Variants in BNC2 observed in about 807,000 individuals in gnomAD.
BNC2 encodes basonuclin zinc finger protein 2, also known as zinc finger protein basonuclin-2.
Under a neutral mutation model 76.3 loss-of-function variants are expected in BNC2, and 20 were observed. The ratio of observed to expected loss-of-function variants is 0.26; its 90% CI spans 0.18 to 0.38. The LOEUF is 0.38. Ranked by LOEUF, BNC2 falls within the 10% of genes least tolerant of loss-of-function variation. The probability of loss-of-function intolerance (pLI) is 1.00; values close to 1 mark genes in which losing one functional copy is unlikely to be tolerated. For synonymous variants in BNC2, 582 were observed against 514.8 expected, an observed-to-expected ratio of 1.13 and a Z score of -1.77; for missense variants, 1,382 against 1,399.8, an observed-to-expected ratio of 0.99 and a Z score of 0.20.
At chr9:16,756,473 A>C (rs989172864) in intron 1 of BNC2, among the ~76,000 whole-genome samples, 2 of 152,020 alleles carry the variant, frequency 1.3e-5, no homozygotes, top group Non-Finnish European at 2.9e-5. Flanking sequence ...AGCTTCTTGG[A>C]GTCACCTTTT....
intron 3 of BNC2, among the ~76,000 whole-genome samples, chr9:16,676,024 C>T (rs755442443): frequency 1.3e-5 from 2 of 152,094 alleles, no homozygotes; most frequent in Non-Finnish European, 2.9e-5. Context: ...AAGATTTCAC[C>T]ACTGCGCTCC....
intron 1 of BNC2, among the ~76,000 whole-genome samples, chr9:16,794,763 C>T (rs1429653494): frequency 6.6e-6 from 1 of 152,178 alleles, no homozygotes; most frequent in African/African-American, 2.4e-5. Context: ...TTCAATTTTA[C>T]ACTTTTGGGG....
intron 1 of BNC2, among the ~76,000 whole-genome samples, chr9:16,793,854 G>GGTT (rs1563946166): frequency 7.0e-5 from 6 of 85,592 alleles, no homozygotes; most frequent in African/African-American, 1.6e-4. Context: ...GTTTTTTGTG[G>GGTT]TTTTTGTTTT....
At position 16,861,181 on chromosome 9, in the gene BNC2, A is replaced by AATATATAT. The variant is rs71327866; in HGVS notation, c.3+9457_3+9464dup. ...ACATGGTAATACCCTATCTCTACAA[A>AATATATAT]ATATATATATATATATATATAAATT... On this transcript the variant is annotated intron_variant, in intron 1 of 6. Coordinates refer to ENST00000380672, the MANE Select transcript of BNC2 (RefSeq NM_017637.6). 6.8e-3 allele frequency among the ~76,000 whole-genome samples: 892 copies of AATATATAT among 131,744 alleles called. 58 individuals carry two copies. Among genetic ancestry groups the AATATATAT allele is most frequent in the African/African-American group, 0.025 (818 of 32,112 alleles). The allele number at this position is 131,744 out of a possible 152,430, so 86.4% of individuals were successfully genotyped here. A position where few individuals can be genotyped will look rare whatever the true frequency, so the allele number is the denominator to read the frequency against.
At chr9:16,858,438 T>C (rs1258948439) in intron 1 of BNC2, among the ~76,000 whole-genome samples, 1 of 152,190 alleles carries the variant, frequency 6.6e-6, no homozygotes, top group African/African-American at 2.4e-5. Context: ...AACAATAGAA[T>C]GTACTTTTTT....
At chr9:16,618,350 G>T (rs1820769714) in intron 3 of BNC2, among the ~76,000 whole-genome samples, 1 of 152,158 alleles carries the variant, frequency 6.6e-6, no homozygotes, top group African/African-American at 2.4e-5. Context: ...ACAGCATAGA[G>T]AAAGCTATCC....
intron 1 of BNC2, among the ~76,000 whole-genome samples, chr9:16,860,594 T>C (rs376041071): frequency 2.0e-5 from 3 of 151,908 alleles, no homozygotes; most frequent in African/African-American, 4.8e-5. Context: ...AAGACACTTA[T>C]CAAAAAAAAC....
At chr9:16,585,903 T>C (rs1379979878) in intron 3 of BNC2, among the ~76,000 whole-genome samples, 3 of 152,004 alleles carry the variant, frequency 2.0e-5, no homozygotes, top group African/African-American at 7.2e-5. Flanking sequence ...GCTGTTATAT[T>C]CTGTGAACTA....
At chr9:16,816,710 G>A (rs778442712) in intron 1 of BNC2, among the ~76,000 whole-genome samples, 1 of 152,126 alleles carries the variant, frequency 6.6e-6, no homozygotes, top group Non-Finnish European at 1.5e-5. Context: ...ACACAAACAT[G>A]GATAACGTGT....
At chr9:16,478,721 G>A (rs976769493) in intron 5 of BNC2, among the ~76,000 whole-genome samples, 2 of 152,086 alleles carry the variant, frequency 1.3e-5, no homozygotes, top group Non-Finnish European at 2.9e-5. Context: ...CAGAAAATGT[G>A]AACTCCATAT....
intron 3 of BNC2, among the ~76,000 whole-genome samples, chr9:16,696,755 T>C (rs1403477740): frequency 6.6e-6 from 1 of 152,194 alleles, no homozygotes; most frequent in African/African-American, 2.4e-5. Context: ...TTTTAACTAT[T>C]TCATTATTCC....
chr9:16,444,243 C>A (rs1035895967), intron 5 of BNC2, among the ~76,000 whole-genome samples: 43 of 152,166 alleles, frequency 2.8e-4, no homozygotes, highest in Non-Finnish European at 2.5e-4. Flanking sequence ...CATACACACA[C>A]ACACACAGAG....
intron 3 of BNC2, among the ~76,000 whole-genome samples, chr9:16,679,068 G>A (rs894557561): frequency 6.6e-6 from 1 of 152,124 alleles, no homozygotes; most frequent in Non-Finnish European, 1.5e-5. Context: ...CCTCCAAGCT[G>A]CACTATGTAC....
intron 3 of BNC2, among the ~76,000 whole-genome samples, chr9:16,643,024 G>T (rs1039436980): frequency 1.3e-5 from 2 of 152,094 alleles, no homozygotes; most frequent in South Asian, 2.1e-4. Context: ...CATGGTGCCA[G>T]GCCAACAGTA....
At chr9:16,473,482 C>G (rs141005594) in intron 5 of BNC2, 1 of 152,266 alleles carries the variant, frequency 6.6e-6, no homozygotes, top group African/African-American at 2.4e-5. Flanking sequence ...AAGTGTTGAT[C>G]CCAGCTCCAC....
At chr9:16,658,440 A>G (rs544677678) in intron 3 of BNC2, among the ~76,000 whole-genome samples, 13 of 152,350 alleles carry the variant, frequency 8.5e-5, no homozygotes. Context: ...TGAAACTAAA[A>G]CACACATTAC....
At chr9:16,667,983 G>A (rs537837743) in intron 3 of BNC2, among the ~76,000 whole-genome samples, 1 of 152,234 alleles carries the variant, frequency 6.6e-6, no homozygotes, top group South Asian at 2.1e-4. Flanking sequence ...CACAAAGATT[G>A]GCATTTATCA....
chr9:16,818,844 T>A (rs1047561850), intron 1 of BNC2, among the ~76,000 whole-genome samples: 3 of 148,778 alleles, frequency 2.0e-5, no homozygotes, highest in Non-Finnish European at 3.0e-5. Context: ...TTAAAAAAAA[T>A]TCATTTAAAG....
intron 3 of BNC2, among the ~76,000 whole-genome samples, chr9:16,618,486 C>T (rs1213562671): frequency 6.6e-6 from 1 of 152,142 alleles, no homozygotes; most frequent in Non-Finnish European, 1.5e-5. Flanking sequence ...ACATCATGTT[C>T]AGAGCTCTCC....
Sources: gnomAD v4.1 joint callset for allele counts (sites outside exome capture counted in the v4.1 genomes callset) on GRCh38, gnomAD v4.1.1 for gene constraint, MANE v1.5 for transcripts, NCBI Gene and HGNC (gene_info 2026-07-23, HGNC 2026-07-21) for gene names.